CDH4: variants seen among roughly 807,000 people sequenced by gnomAD.
The protein encoded by CDH4 is cadherin 4, also known as cadherin-4.
CDH4 carries 33 observed loss-of-function variants against 86.0 expected under a neutral mutation model. That is an observed-to-expected ratio of 0.38 (90% confidence interval 0.29 to 0.51). The LOEUF (loss-of-function observed/expected upper bound fraction) is 0.51, where lower values mean the gene tolerates loss of function less well. Ranked by LOEUF, CDH4 falls within the 20% of genes least tolerant of loss-of-function variation. The probability of loss-of-function intolerance (pLI) is 0.86; values close to 1 mark genes in which losing one functional copy is unlikely to be tolerated. For missense variants in CDH4, 1,114 were observed against 1,307.4 expected (o/e 0.85, Z 2.28); for synonymous variants, 555 against 549.4 (o/e 1.01, Z -0.14).
chr20:61,842,993 T>C (rs1341284421), intron 4 of CDH4, among the ~76,000 whole-genome samples: 2 of 152,244 alleles, frequency 1.3e-5, no homozygotes, highest in African/African-American at 4.8e-5. Flanking sequence ...GTTGACCCAA[T>C]GGTTATTTCG....
chr20:61,490,216 G>T (rs186033815), intron 2 of CDH4, among the ~76,000 whole-genome samples: 6 of 152,298 alleles, frequency 3.9e-5, no homozygotes, highest in Middle Eastern at 3.4e-3. Flanking sequence ...AAACAGCCCA[G>T]GTGACCCACA....
At chr20:61,886,009 G>T (rs1276339608) in intron 7 of CDH4, among the ~76,000 whole-genome samples, 1 of 152,220 alleles carries the variant, frequency 6.6e-6, no homozygotes, top group African/African-American at 2.4e-5. Context: ...ACTGGCTCTG[G>T]CTCACCCAGA....
At chr20:61,781,900 T>TGGG (rs1182421574) in intron 4 of CDH4, among the ~76,000 whole-genome samples, 1 of 152,226 alleles carries the variant, frequency 6.6e-6, no homozygotes, top group African/African-American at 2.4e-5. Flanking sequence ...GCAGTCAGAA[T>TGGG]GGGGTCTTCT....
At chr20:61,551,267 G>A (rs960946487) in intron 2 of CDH4, among the ~76,000 whole-genome samples, 6 of 152,172 alleles carry the variant, frequency 3.9e-5, no homozygotes, top group African/African-American at 4.8e-5. Context: ...ATGTGTAAGC[G>A]ATGCCTTGTC....
rs183580637 is a variant in CDH4, at chr20:61,867,255, A to G, written c.878-6473A>G. Among the ~76,000 whole-genome samples the G allele has an allele frequency of 7.0e-4, 106 of 152,358 alleles. 1 individual carries two copies. Among genetic ancestry groups the G allele is most frequent in the Non-Finnish European group, 5.7e-4 (39 of 68,040 alleles). ...TCAGAAGCAGGGGACCTCCCCTCAAAGAGCTTATGATAGGCCAGGCACGGT... is the reference window on the plus strand; with the variant it reads ...TCAGAAGCAGGGGACCTCCCCTCAAGGAGCTTATGATAGGCCAGGCACGGT... On this transcript the variant is annotated intron_variant, in intron 6 of 15. Transcript: ENST00000614565.
Position 61,392,221 on chromosome 20 carries a change from C to T in CDH4, c.169+137284C>T, listed in dbSNP as rs1049189635. 6.6e-6 allele frequency among the ~76,000 whole-genome samples: 1 copy of T among 151,582 alleles called. No individual in the cohort carries two copies. The highest frequency in any genetic ancestry group is 2.4e-5 in the African/African-American group (1 of 41,272). On this transcript the variant is annotated intron_variant, in intron 2 of 15. Coordinates refer to ENST00000614565, the MANE Select transcript of CDH4 (RefSeq NM_001794.5). The surrounding 1 kb of genome is among the most constrained non-coding windows in gnomAD (Gnocchi z 5.7). The stretch of plus-strand genomic sequence containing the variant: ...ACGTGCAGTGTGAGTGGCCTTAACA[C>T]GGGACCCGGACATGCTGCCTCTGGG...
intron 2 of CDH4, among the ~76,000 whole-genome samples, chr20:61,383,175 AT>A (rs1491246717): frequency 2.3e-5 from 2 of 85,288 alleles, no homozygotes; most frequent in South Asian, 5.5e-4. Flanking sequence ...ATATGAATAT[AT>A]TTATGAATAT....
At chr20:61,385,750 G>A (rs929526518) in intron 2 of CDH4, among the ~76,000 whole-genome samples, 2 of 152,094 alleles carry the variant, frequency 1.3e-5, no homozygotes, top group South Asian at 4.1e-4. Context: ...TTCCACCAAC[G>A]GGAATCACCA....
intron 2 of CDH4, among the ~76,000 whole-genome samples, chr20:61,733,645 A>G (rs2088223580): frequency 6.7e-6 from 1 of 148,376 alleles, no homozygotes; most frequent in Admixed American, 6.7e-5. Flanking sequence ...TGGATGGATG[A>G]ATGGAAGGAA....
chr20:61,653,659 C>T (rs2087152442), intron 2 of CDH4, among the ~76,000 whole-genome samples: 1 of 98,632 alleles, frequency 1.0e-5, no homozygotes, highest in Non-Finnish European at 2.6e-5. Flanking sequence ...GGGCTCCTCA[C>T]TTCTCAGACA....
chr20:61,860,623 A>G (rs376865216), intron 6 of CDH4, among the ~76,000 whole-genome samples: 222 of 152,238 alleles, frequency 1.5e-3, no homozygotes, highest in African/African-American at 5.2e-3. Context: ...CCCCAATGCA[A>G]GGCAAGGTTG....
At chr20:61,845,971 G>T (rs376844988) in intron 5 of CDH4, among the ~76,000 whole-genome samples, 1 of 152,224 alleles carries the variant, frequency 6.6e-6, no homozygotes, top group African/African-American at 2.4e-5. Flanking sequence ...GCTTTTCCAC[G>T]CCAGATCTCA....
intron 3 of CDH4, among the ~76,000 whole-genome samples, chr20:61,744,947 G>C (rs1374061127): frequency 6.6e-6 from 1 of 152,228 alleles, no homozygotes; most frequent in Non-Finnish European, 1.5e-5. Flanking sequence ...CAGGCGGCCT[G>C]TGGGAGAGCA....
At chr20:61,464,469 A>G (rs755218823) in intron 2 of CDH4, among the ~76,000 whole-genome samples, 37 of 152,184 alleles carry the variant, frequency 2.4e-4, no homozygotes, top group Non-Finnish European at 5.4e-4. Flanking sequence ...TATAGACCAG[A>G]ATAGCTTCGT....
At chr20:61,912,459 ATCAT>A (rs1328760829) in intron 9 of CDH4, among the ~76,000 whole-genome samples, 1 of 152,212 alleles carries the variant, frequency 6.6e-6, no homozygotes, top group Non-Finnish European at 1.5e-5. Flanking sequence ...TAAATTCTTC[ATCAT>A]TTTTATTTTA....
intron 2 of CDH4, among the ~76,000 whole-genome samples, chr20:61,407,246 A>T (rs1188749594): frequency 3.3e-5 from 5 of 152,222 alleles, no homozygotes; most frequent in African/African-American, 9.6e-5. Context: ...TTGGTTCCGT[A>T]TGTGGCTGGG....
chr20:61,936,426 C>G (rs1468493167), intron 15 of CDH4, among the ~76,000 whole-genome samples: 1 of 62,546 alleles, frequency 1.6e-5, no homozygotes, highest in Non-Finnish European at 3.2e-5. Context: ...ACACCCCCCC[C>G]CCCATCTGCC....
chr20:61,406,719 C>T (rs1174356679), intron 2 of CDH4, among the ~76,000 whole-genome samples: 1 of 140,892 alleles, frequency 7.1e-6, no homozygotes, highest in Admixed American at 7.1e-5. Flanking sequence ...CCTGGACCAC[C>T]ATCTGCCATC....
chr20:61,886,773 A>T (rs1984561340), intron 7 of CDH4, among the ~76,000 whole-genome samples: 1 of 152,172 alleles, frequency 6.6e-6, no homozygotes, highest in Non-Finnish European at 1.5e-5. Context: ...TCTTCTGCAA[A>T]GTGGGAGGGC....
Sources: allele counts gnomAD v4.1 joint callset (sites outside exome capture counted in the v4.1 genomes callset), GRCh38; gene constraint gnomAD v4.1.1; non-coding constraint Gnocchi (gnomAD v3.1); transcripts MANE v1.5; gene names NCBI Gene and HGNC (gene_info 2026-07-23, HGNC 2026-07-21).